The following ITFG1 variants were observed in gnomAD, a reference collection of about 807,000 sequenced individuals.
ITFG1 encodes the protein T-cell immunomodulatory protein.
A neutral mutation model predicts 81.8 loss-of-function variants in ITFG1; 34 were observed. The observed-to-expected ratio is 0.42, with a 90% CI of 0.32 to 0.55. ITFG1 has a LOEUF of 0.55. Among genes scored for constraint, ITFG1 ranks in the 20% least tolerant of loss-of-function variants. ITFG1 has a pLI of 0.17. For missense variants in ITFG1, 672 were observed against 755.4 expected (o/e 0.89, Z 1.29); for synonymous variants, 285 against 270.6 (o/e 1.05, Z -0.52).
intron 8 of ITFG1, among the ~76,000 whole-genome samples, chr16:47,331,502 A>C (rs1967636680): frequency 6.6e-6 from 1 of 152,154 alleles, no homozygotes; most frequent in Non-Finnish European, 1.5e-5. Context: ...TAAATAAAAC[A>C]AAACAGAAAC....
At chr16:47,177,716 A>G (rs1384025054) in intron 14 of ITFG1, among the ~76,000 whole-genome samples, 5 of 152,250 alleles carry the variant, frequency 3.3e-5, no homozygotes, top group Non-Finnish European at 7.3e-5. Flanking sequence ...CATGGTTGTT[A>G]TACTAATTTC....
At chr16:47,391,888 T>C (rs1968536065) in intron 6 of ITFG1, among the ~76,000 whole-genome samples, 1 of 152,210 alleles carries the variant, frequency 6.6e-6, no homozygotes, top group Non-Finnish European at 1.5e-5. Flanking sequence ...CATATACACC[T>C]ATCCCTTCGT....
intron 5 of ITFG1, among the ~76,000 whole-genome samples, chr16:47,439,834 A>C (rs368561963): frequency 6.6e-6 from 1 of 152,202 alleles, no homozygotes; most frequent in Non-Finnish European, 1.5e-5. Flanking sequence ...CACACATAAC[A>C]ATACTAACCT....
At chr16:47,240,148 T>C (rs1208636236) in intron 12 of ITFG1, among the ~76,000 whole-genome samples, 1 of 142,736 alleles carries the variant, frequency 7.0e-6, no homozygotes, top group Non-Finnish European at 1.5e-5. Flanking sequence ...AAAAAAAAAA[T>C]TAGCCAGATG....
intron 6 of ITFG1, among the ~76,000 whole-genome samples, chr16:47,383,478 TCATTATAGATTTA>T (rs1410069374): frequency 6.6e-6 from 1 of 152,240 alleles, no homozygotes; most frequent in East Asian, 1.9e-4. Flanking sequence ...CACCTGTGCC[TCATTATAGATTTA>T]CAAAGATGTT....
At chr16:47,208,305 A>G (rs552344944) in intron 14 of ITFG1, among the ~76,000 whole-genome samples, 2 of 152,310 alleles carry the variant, frequency 1.3e-5, no homozygotes, top group East Asian at 3.9e-4. Flanking sequence ...TGAGGATGAC[A>G]ATAATGAACT....
At chr16:47,420,905 TATA>T (rs1273054769) in intron 6 of ITFG1, among the ~76,000 whole-genome samples, 4 of 152,190 alleles carry the variant, frequency 2.6e-5, no homozygotes, top group Non-Finnish European at 2.9e-5. Flanking sequence ...TGCCTTTAGA[TATA>T]ATAATATTTT....
At chr16:47,245,823 GCCT>G (rs923463665) in intron 12 of ITFG1, among the ~76,000 whole-genome samples, 2 of 150,878 alleles carry the variant, frequency 1.3e-5, no homozygotes, top group African/African-American at 2.4e-5. Context: ...ATTGTCCCCT[GCCT>G]CCTCCTTTTT....
chr16:47,359,224 G>C (rs1251625391), intron 8 of ITFG1, among the ~76,000 whole-genome samples: 2 of 152,118 alleles, frequency 1.3e-5, no homozygotes, highest in African/African-American at 4.8e-5. Context: ...CTTCTAAATG[G>C]CAGTTAAACA....
chr16:47,161,104 A>G (rs975029196), intron 16 of ITFG1, among the ~76,000 whole-genome samples: 10 of 152,262 alleles, frequency 6.6e-5, no homozygotes, highest in African/African-American at 2.4e-4. Flanking sequence ...TAAAAGGAAT[A>G]GAATCAATCT....
chr16:47,300,419 G>C (rs1967057702), intron 10 of ITFG1, among the ~76,000 whole-genome samples: 1 of 152,216 alleles, frequency 6.6e-6, no homozygotes, highest in Admixed American at 6.5e-5. Flanking sequence ...GAATGGCTGA[G>C]AGAAGGTCCA....
intron 10 of ITFG1, among the ~76,000 whole-genome samples, chr16:47,286,669 G>A (rs182607704): frequency 6.6e-6 from 1 of 152,116 alleles, no homozygotes; most frequent in East Asian, 1.9e-4. Context: ...TTGCCAGAGA[G>A]TGTTAATAGC....
At chr16:47,365,189 G>C (rs1968160339) in intron 8 of ITFG1, among the ~76,000 whole-genome samples, 1 of 152,140 alleles carries the variant, frequency 6.6e-6, no homozygotes, top group Non-Finnish European at 1.5e-5. Flanking sequence ...AGCAGGATGG[G>C]AACAAGCACT....
At chr16:47,221,869 C>G (rs533449160) in intron 13 of ITFG1, among the ~76,000 whole-genome samples, 4 of 152,278 alleles carry the variant, frequency 2.6e-5, no homozygotes, top group Admixed American at 1.3e-4. Context: ...AGTTTATTTG[C>G]GTAGAGGTGT....
At chr16:47,182,240 T>C (rs1286018383) in intron 14 of ITFG1, among the ~76,000 whole-genome samples, 2 of 151,192 alleles carry the variant, frequency 1.3e-5, no homozygotes, top group Admixed American at 6.6e-5. Context: ...GGGAATAAAA[T>C]GGGCAAATAT....
chr16:47,355,558 T>C (rs565993387), intron 8 of ITFG1, among the ~76,000 whole-genome samples: 1 of 152,300 alleles, frequency 6.6e-6, no homozygotes, highest in South Asian at 2.1e-4. Flanking sequence ...AAAGAAACGA[T>C]GCTTGAGGTG....
chr16:47,208,408 C>A (rs1424576497), intron 14 of ITFG1, among the ~76,000 whole-genome samples: 1 of 152,138 alleles, frequency 6.6e-6, no homozygotes, highest in Non-Finnish European at 1.5e-5. Flanking sequence ...TAAGTGTAAG[C>A]TATTATTTAT....
chr16:47,280,237 A>T (rs1966437636), intron 10 of ITFG1, among the ~76,000 whole-genome samples: 1 of 152,148 alleles, frequency 6.6e-6, no homozygotes, highest in Non-Finnish European at 1.5e-5. Context: ...ATTAATTATA[A>T]GGTTGGCTGT....
chr16:47,238,634 T>G (rs988760942), intron 12 of ITFG1, among the ~76,000 whole-genome samples: 10 of 152,174 alleles, frequency 6.6e-5, no homozygotes, highest in Non-Finnish European at 1.5e-5. Context: ...CTACCACTTT[T>G]GGTGAAGTGA....
Sources: gnomAD v4.1 joint callset for allele counts (sites outside exome capture counted in the v4.1 genomes callset) on GRCh38, gnomAD v4.1.1 for gene constraint, MANE v1.5 for transcripts, NCBI Gene and HGNC (gene_info 2026-07-23, HGNC 2026-07-21) for gene names.